The following GPC6 variants were observed in gnomAD, a reference collection of about 807,000 sequenced individuals.
The protein encoded by GPC6 is glypican 6.
In GPC6, 14 loss-of-function variants were observed where a neutral mutation model predicts 55.2. That is an observed-to-expected ratio of 0.25 (90% confidence interval 0.17 to 0.40). The LOEUF (loss-of-function observed/expected upper bound fraction) is 0.40, where lower values mean the gene tolerates loss of function less well. GPC6 is among the 10% of genes least tolerant of loss of function. The probability of loss-of-function intolerance (pLI) is 1.00; values close to 1 mark genes in which losing one functional copy is unlikely to be tolerated. For synonymous variants in GPC6, 278 were observed against 259.6 expected (o/e 1.07, Z -0.68); for missense variants, 641 against 708.5 (o/e 0.90, Z 1.08).
At chr13:93,812,142 T>TGGGG (rs35966772) in intron 2 of GPC6, among the ~76,000 whole-genome samples, 5 of 73,794 alleles carry the variant, frequency 6.8e-5, no homozygotes, top group Admixed American at 1.3e-4. Context: ...TGCAAGGCGG[T>TGGGG]GGGGGGGGGG....
At chr13:94,231,458 A>T (rs1159007342) in intron 4 of GPC6, among the ~76,000 whole-genome samples, 2 of 152,234 alleles carry the variant, frequency 1.3e-5, no homozygotes, top group Non-Finnish European at 2.9e-5. Flanking sequence ...GGAAGGCATC[A>T]GAAATAAATT....
chr13:93,714,241 A>G (rs1883171241), intron 2 of GPC6, among the ~76,000 whole-genome samples: 1 of 151,828 alleles, frequency 6.6e-6, no homozygotes, highest in East Asian at 1.9e-4. Context: ...AATTGAGCAA[A>G]TGAAAAACAA....
At chr13:93,836,506 T>C (rs1329358570) in intron 3 of GPC6, among the ~76,000 whole-genome samples, 1 of 152,182 alleles carries the variant, frequency 6.6e-6, no homozygotes, top group Admixed American at 6.5e-5. Flanking sequence ...TGAAAGTTTT[T>C]TTATAGTTCA....
intron 3 of GPC6, among the ~76,000 whole-genome samples, chr13:93,910,079 G>GTGT (rs933835585): frequency 6.6e-6 from 1 of 151,958 alleles, no homozygotes; most frequent in African/African-American, 2.4e-5. Flanking sequence ...GTGTGTGTGT[G>GTGT]TCTTTGTGGC....
chr13:93,233,515 C>A (rs1037974604), intron 1 of GPC6, among the ~76,000 whole-genome samples: 2 of 152,112 alleles, frequency 1.3e-5, no homozygotes, highest in South Asian at 4.1e-4. Flanking sequence ...GGTAGAACCC[C>A]AGGGAATTTG....
At chr13:93,663,300 A>G (rs1483330645) in intron 2 of GPC6, among the ~76,000 whole-genome samples, 1 of 152,152 alleles carries the variant, frequency 6.6e-6, no homozygotes, top group East Asian at 1.9e-4. Context: ...GGAATCACAT[A>G]TAGCCCATAG....
At chr13:93,455,643 A>G (rs1878422217) in intron 1 of GPC6, among the ~76,000 whole-genome samples, 3 of 152,140 alleles carry the variant, frequency 2.0e-5, no homozygotes, top group Admixed American at 2.0e-4. Flanking sequence ...GTCATTATCT[A>G]AAAAGCCATG....
chr13:93,731,892 A>G (rs538935320), intron 2 of GPC6, among the ~76,000 whole-genome samples: 2 of 152,286 alleles, frequency 1.3e-5, no homozygotes, highest in African/African-American at 2.4e-5. Context: ...ATGACAGTAT[A>G]TATATGTAAT....
At chr13:94,330,012 C>T (rs1195215910) in intron 6 of GPC6, among the ~76,000 whole-genome samples, 1 of 152,160 alleles carries the variant, frequency 6.6e-6, no homozygotes, top group Non-Finnish European at 1.5e-5. Context: ...AGGCTCCTAC[C>T]ATGTTGCTTT....
intron 1 of GPC6, among the ~76,000 whole-genome samples, chr13:93,252,170 C>T (rs1025862333): frequency 1.3e-5 from 2 of 152,188 alleles, no homozygotes; most frequent in Non-Finnish European, 2.9e-5. Context: ...GTGTTTCTAA[C>T]AAGCTCCCAG....
At chr13:94,005,697 G>A (rs1881989961) in intron 3 of GPC6, among the ~76,000 whole-genome samples, 1 of 151,982 alleles carries the variant, frequency 6.6e-6, no homozygotes. Context: ...CTAAAGTGTT[G>A]GCCAAAATAT....
chr13:94,082,840 G>A (rs1379481513), intron 4 of GPC6, among the ~76,000 whole-genome samples: 4 of 152,234 alleles, frequency 2.6e-5, no homozygotes, highest in African/African-American at 4.8e-5. Context: ...AAACAGTCAC[G>A]GACATGCAGT....
intron 2 of GPC6, among the ~76,000 whole-genome samples, chr13:93,695,719 TC>T (rs1221517795): frequency 6.6e-6 from 1 of 152,138 alleles, no homozygotes; most frequent in Admixed American, 6.6e-5. Flanking sequence ...TCATTCATTT[TC>T]CTTTGGTAAT....
chr13:93,724,010 A>G (rs1883542862), intron 2 of GPC6, among the ~76,000 whole-genome samples: 1 of 151,938 alleles, frequency 6.6e-6, no homozygotes, highest in Non-Finnish European at 1.5e-5. Flanking sequence ...TGTAATTTTT[A>G]GGGCTTAAGA....
At chr13:94,257,780 C>T (rs1254264465) in intron 4 of GPC6, among the ~76,000 whole-genome samples, 1 of 152,064 alleles carries the variant, frequency 6.6e-6, no homozygotes, top group Admixed American at 6.6e-5. Context: ...CTGCAACCGC[C>T]CTGGCAAAAG....
chr13:93,300,092 A>G (rs1878623987), intron 1 of GPC6, among the ~76,000 whole-genome samples: 1 of 152,220 alleles, frequency 6.6e-6, no homozygotes, highest in Non-Finnish European at 1.5e-5. Flanking sequence ...CTCCAAATAC[A>G]TGCCAAGGTC....
At chr13:93,765,873 G>A (rs115903910) in intron 2 of GPC6, among the ~76,000 whole-genome samples, 162 of 152,228 alleles carry the variant, frequency 1.1e-3, no homozygotes, top group African/African-American at 3.7e-3. Flanking sequence ...TTTTTTGAAA[G>A]TTAACCTTTT....
rs746469236 is a variant in GPC6 at position 94,403,120 on chromosome 13, G to A, written c.1571G>A (p.Arg524Gln). 52 of 1,613,558 alleles carry A rather than the reference G, an allele frequency of 3.2e-5. No homozygotes were observed. Among genetic ancestry groups the A allele is most frequent in the Non-Finnish European group, 4.1e-5 (48 of 1,179,550 alleles). Reference sequence around the variant, plus strand: ...GAGGCCCCCGCAGTGGATCCCGACCGGAGAGAGGTGGACTCTTCTGCAGCC... The same window carrying A: ...GAGGCCCCCGCAGTGGATCCCGACCAGAGAGAGGTGGACTCTTCTGCAGCC... Reference protein sequence around the residue: ...TTEAPAVDPDRREVDSSAAQR... With the variant: ...TTEAPAVDPDQREVDSSAAQR... The change falls in exon 9 of 9, where the codon CGG becomes CAG. Residue 524 changes from arginine (R) to glutamine (Q), a missense_variant. Arg to Gln is a conservative substitution (Grantham distance 43). Coordinates refer to ENST00000377047, the MANE Select transcript of GPC6 (RefSeq NM_005708.5).
At chr13:93,282,464 T>A (rs1005738876) in intron 1 of GPC6, among the ~76,000 whole-genome samples, 8 of 151,932 alleles carry the variant, frequency 5.3e-5, no homozygotes, top group South Asian at 4.2e-4. Flanking sequence ...GTATGTATTG[T>A]ATGAAAAATT....
Sources: gnomAD v4.1 joint callset for allele counts (sites outside exome capture counted in the v4.1 genomes callset) on GRCh38, gnomAD v4.1.1 for gene constraint, MANE v1.5 for transcripts, NCBI Gene and HGNC (gene_info 2026-07-23, HGNC 2026-07-21) for gene names.